ZNF665: variants seen among roughly 807,000 people sequenced by gnomAD.
The protein encoded by ZNF665 is zinc finger protein 665.
ZNF665 carries 6 observed loss-of-function variants against 7.9 expected under a neutral mutation model. The observed-to-expected ratio is 0.76, with a 90% confidence interval of 0.42 to 1.50. The LOEUF (loss-of-function observed/expected upper bound fraction) is 1.50, where lower values mean the gene tolerates loss of function less well. Ranked by LOEUF, ZNF665 falls within the 40% of genes most tolerant of loss-of-function variation. ZNF665 has a pLI of 0.01. For missense variants in ZNF665, 819 were observed against 806.7 expected, an observed-to-expected ratio of 1.02 and a Z score of -0.18; for synonymous variants, 242 against 274.5, an observed-to-expected ratio of 0.88 and a Z score of 1.17.
At chr19:53,168,094 A>G (rs1599872536) in intron 3 of ZNF665, among the ~76,000 whole-genome samples, 1 of 149,912 alleles carries the variant, frequency 6.7e-6, no homozygotes, top group Non-Finnish European at 1.5e-5. Flanking sequence ...AAAGAAAGAA[A>G]GAAAAGAGGA....
chr19:53,165,529 T>C lies in ZNF665; in HGVS notation c.961A>G (p.Asn321Asp), dbSNP rs1158285666. 1.2e-6 allele frequency: 2 copies of C among 1,613,774 alleles called. No individual in the cohort carries two copies. The stretch of plus-strand genomic sequence containing the variant: ...ACACTAAAGGCTTTGCCACACTCAT[T>C]ACACTTGTAAGGCTTCTCCCCAGTA... Reference protein sequence around the residue: ...IHTGEKPYKCNECGKAFSVRS... With the variant: ...IHTGEKPYKCDECGKAFSVRS... Residue 321 changes from asparagine to aspartate, a missense_variant, in exon 4 of 4, where the codon AAT becomes GAT. Coordinates refer to ENST00000396424, the MANE Select transcript of ZNF665 (RefSeq NM_024733.5).
At chr19:53,181,743 G>A (rs920815686) in intron 2 of ZNF665, 3 of 152,152 alleles carry the variant, frequency 2.0e-5, no homozygotes, top group Non-Finnish European at 2.9e-5. Context: ...TTATAAGACT[G>A]TACTAAAGTG....
At position 53,166,066 on chromosome 19, in the gene ZNF665, C is replaced by G; in HGVS notation, c.424G>C (p.Gly142Arg). The change falls in exon 4 of 4, where the codon GGA becomes CGA. Residue 142 changes from glycine (G) to arginine (R), a missense_variant. Gly to Arg is a moderately radical substitution (Grantham distance 125). Coordinates refer to ENST00000396424, the MANE Select transcript of ZNF665 (RefSeq NM_024733.5). Reference protein sequence around the residue: ...AGNRHIENQLGVSFQSHLPEL... With the variant: ...AGNRHIENQLRVSFQSHLPEL... ...GGGAGATGTGACTGAAAGCTTACTCCAAGCTGATTTTCAATATGCCTGTTT... is the reference window on the plus strand; with the variant it reads ...GGGAGATGTGACTGAAAGCTTACTCGAAGCTGATTTTCAATATGCCTGTTT... 1.2e-6 allele frequency: 2 copies of G among 1,614,116 alleles called. No homozygotes were observed. The highest frequency in any genetic ancestry group is 2.7e-5 in the African/African-American group (2 of 75,040).
chr19:53,173,140 A>G (rs1242926195), intron 3 of ZNF665, among the ~76,000 whole-genome samples: 3 of 152,130 alleles, frequency 2.0e-5, no homozygotes, highest in East Asian at 1.9e-4. Flanking sequence ...GTTTTCCCCT[A>G]TGATTACTTC....
intron 2 of ZNF665, chr19:53,182,379 C>CA: frequency 3.0e-6 from 1 of 337,406 alleles, no homozygotes; most frequent in Non-Finnish European, 5.5e-6. Flanking sequence ...TCAACAAAAA[C>CA]AACAAAAAAA....
At chr19:53,169,455 A>G (rs1282951990) in intron 3 of ZNF665, among the ~76,000 whole-genome samples, 1 of 152,204 alleles carries the variant, frequency 6.6e-6, no homozygotes, top group East Asian at 1.9e-4. Context: ...GGTAGTGGGA[A>G]TGTAAAAGGC....
chr19:53,190,996 A>G (rs937065612), intron 1 of ZNF665, among the ~76,000 whole-genome samples: 1 of 138,284 alleles, frequency 7.2e-6, no homozygotes, highest in African/African-American at 3.3e-5. Flanking sequence ...CCTGAGTTCT[A>G]TGAGCTGCTC....
chr19:53,167,895 A>C (rs1046364604), intron 3 of ZNF665, among the ~76,000 whole-genome samples: 16 of 149,610 alleles, frequency 1.1e-4, no homozygotes, highest in African/African-American at 3.9e-4. Context: ...TCTCTACTAA[A>C]GATACAAAAA....
intron 1 of ZNF665, among the ~76,000 whole-genome samples, chr19:53,193,054 A>C (rs568870872): frequency 3.3e-5 from 5 of 152,238 alleles, no homozygotes; most frequent in African/African-American, 9.6e-5. Context: ...CAGGTCAGTA[A>C]AGGGTTTTAA....
chr19:53,184,267 G>A (rs997901827), intron 1 of ZNF665, among the ~76,000 whole-genome samples: 10 of 152,034 alleles, frequency 6.6e-5, no homozygotes, highest in Non-Finnish European at 1.3e-4. Flanking sequence ...AAGACTAGAA[G>A]AAATAATAAA....
rs1478069505 is a variant in ZNF665, at chr19:53,164,512, C to T, written c.1978G>A (p.Gly660Ser). 6.2e-7 allele frequency: 1 copy of T among 1,611,168 alleles called. No homozygotes were observed. ...TTTGAATTTTGAGTAAAGACCTTGCCACATTGGTTACATTTGTAAGGTTTG... is the reference window on the plus strand; with the variant it reads ...TTTGAATTTTGAGTAAAGACCTTGCTACATTGGTTACATTTGTAAGGTTTG... Reference protein sequence around the residue: ...GDKPYKCNQCGKVFTQNSNLA... With the variant: ...GDKPYKCNQCSKVFTQNSNLA... Residue 660 changes from glycine (G) to serine (S), a missense_variant, in exon 4 of 4, where the codon GGC (glycine) becomes AGC (serine). Physicochemically the swap from Gly to Ser is moderately conservative, Grantham distance 56 (BLOSUM62 0). Transcript: ENST00000396424.
intron 2 of ZNF665, among the ~76,000 whole-genome samples, chr19:53,180,290 A>G (rs1403419748): frequency 6.6e-6 from 1 of 151,950 alleles, no homozygotes; most frequent in Non-Finnish European, 1.5e-5. Context: ...AAAATTAGCC[A>G]GGTGTGATGG....
chr19:53,182,369 T>C (rs2090744433), intron 2 of ZNF665: 1 of 319,560 alleles, frequency 3.1e-6, no homozygotes, highest in Non-Finnish European at 5.9e-6. Context: ...AGACTCTGTC[T>C]CAACAAAAAC....
Position 53,166,163 on chromosome 19 carries a change from A to G in ZNF665, c.327T>C (p.Tyr109=), listed in dbSNP as rs773506441. ...ECQWKDDEGN[Y]KTVLMLQKEN... ...CTTTTTGCAACATAAGTACTGTTTT[A>G]TAATTTCCTTCATCATCTTTCCACT... Residue 109 remains tyrosine (Y), a synonymous_variant, in exon 4 of 4, where the codon TAT becomes TAC. Transcript: ENST00000396424. 7 of 1,613,910 alleles carry G rather than the reference A, an allele frequency of 4.3e-6. No individual in the cohort carries two copies. Among genetic ancestry groups the G allele is most frequent in the Non-Finnish European group, 8.5e-7 (1 of 1,179,876 alleles).
intron 1 of ZNF665, among the ~76,000 whole-genome samples, chr19:53,183,677 T>C (rs972308030): frequency 2.0e-5 from 3 of 151,270 alleles, no homozygotes; most frequent in African/African-American, 7.3e-5. Context: ...AGGGAGAGGG[T>C]CACGGAAGTC....
chr19:53,176,783 C>T (rs2090701593), intron 2 of ZNF665, among the ~76,000 whole-genome samples: 6 of 152,192 alleles, frequency 3.9e-5, no homozygotes, highest in African/African-American at 1.4e-4. Context: ...CCCAACACAT[C>T]TGGGAGAACG....
At chr19:53,166,728 T>C (rs960377634) in intron 3 of ZNF665, among the ~76,000 whole-genome samples, 5 of 152,224 alleles carry the variant, frequency 3.3e-5, no homozygotes, top group South Asian at 2.1e-4. Flanking sequence ...AAAGCATATT[T>C]GTTATGCATA....
Position 53,166,337 on chromosome 19 carries a change from A to G in ZNF665, c.153T>C (p.Cys51=), listed in dbSNP as rs2090615826. ...GTGGCAAATCCGTGTTTACACATTT[A>G]CAAGAGATATCTGTAAGATATAAAC... ...YRNLVSLDIS[C]KCVNTDLPPK... The change falls in exon 4 of 4, where the codon TGT becomes TGC. Residue 51 remains cysteine, a synonymous_variant. Transcript: ENST00000396424. The G allele has an allele frequency of 6.3e-7, 1 of 1,574,892 alleles. No individual in the cohort carries two copies. The highest frequency in any genetic ancestry group is 1.4e-5 in the African/African-American group (1 of 73,614).
rs371586387 is a variant in ZNF665 at position 53,165,215 on chromosome 19, A to G, written c.1275T>C (p.Thr425=). The part of the protein sequence containing the change: ...SHLANHRRIH[T]GEKPYRCDEC... ...CATCACACCTGTAAGGTTTCTCTCC[A>G]GTATGAATTCTTCGATGATTTGCTA... The change falls in exon 4 of 4, where the codon ACT becomes ACC. Residue 425 remains threonine (T), a synonymous_variant. Coordinates refer to ENST00000396424, the MANE Select transcript of ZNF665 (RefSeq NM_024733.5). 8.1e-6 allele frequency: 13 copies of G among 1,614,034 alleles called. No homozygotes were observed. The highest frequency in any genetic ancestry group is 1.3e-5 in the African/African-American group (1 of 74,928).
Sources: allele counts gnomAD v4.1 joint callset (sites outside exome capture counted in the v4.1 genomes callset), GRCh38; gene constraint gnomAD v4.1.1; transcripts MANE v1.5; gene names NCBI Gene and HGNC (gene_info 2026-07-23, HGNC 2026-07-21).